GAB1: variants seen among roughly 807,000 people sequenced by gnomAD.
The protein encoded by GAB1 is GRB2 associated binding protein 1.
In GAB1, 19 loss-of-function variants were observed where a neutral mutation model predicts 66.5. That is an observed-to-expected ratio of 0.29 (90% CI 0.20 to 0.42). The LOEUF (loss-of-function observed/expected upper bound fraction) is 0.42. GAB1 is among the 10% of genes least tolerant of loss of function. The pLI is 1.00. For synonymous variants in GAB1, 294 were observed against 301.4 expected, an observed-to-expected ratio of 0.98 and a Z score of 0.25; for missense variants, 732 against 858.5, an observed-to-expected ratio of 0.85 and a Z score of 1.84.
Position 143,372,558 on chromosome 4 carries a change from A to G in GAB1, c.72+35298A>G, listed in dbSNP as rs1355265727. Among the ~76,000 whole-genome samples, 3 of 152,352 alleles carry G rather than the reference A, an allele frequency of 2.0e-5. No homozygotes were observed. The East Asian group carries it at 5.8e-4, about 29-fold the overall frequency. ...TGGTCACAAGAGAAAACTGTGGCTT[A>G]AATTGGGTCTGAAGTCATTCTGAGT... On this transcript the variant is annotated intron_variant, in intron 1 of 9. Transcript: ENST00000262994.
chr4:143,441,310 G>A (rs147589117), intron 6 of GAB1, among the ~76,000 whole-genome samples: 1 of 152,318 alleles, frequency 6.6e-6, no homozygotes, highest in East Asian at 1.9e-4. Flanking sequence ...AAATGTAAAT[G>A]TGATGAATGA....
intron 1 of GAB1, among the ~76,000 whole-genome samples, chr4:143,338,297 C>T (rs747339951): frequency 1.3e-5 from 2 of 152,110 alleles, no homozygotes; most frequent in Non-Finnish European, 2.9e-5. Context: ...AATGTGTTTG[C>T]AAAAGCAAAA....
intron 2 of GAB1, among the ~76,000 whole-genome samples, chr4:143,416,094 A>G (rs1732667415): frequency 1.3e-5 from 2 of 152,148 alleles, no homozygotes; most frequent in South Asian, 2.1e-4. Context: ...ATATTTTACT[A>G]TTTTTCACCT....
intron 9 of GAB1, among the ~76,000 whole-genome samples, chr4:143,467,328 C>G (rs1318694784): frequency 6.6e-6 from 1 of 152,164 alleles, no homozygotes; most frequent in Non-Finnish European, 1.5e-5. Context: ...CTTTGGTATT[C>G]TACAGGTTCA....
intron 1 of GAB1, among the ~76,000 whole-genome samples, chr4:143,377,970 A>C (rs1730485682): frequency 6.6e-6 from 1 of 152,196 alleles, no homozygotes; most frequent in Non-Finnish European, 1.5e-5. Context: ...TCCCATAGAA[A>C]TGATAGTATA....
rs1163752565 is a variant in GAB1, at chr4:143,337,093, G to A, written c.-96G>A. ...CCGGGGTGCGCGACCAGGAGAGCTAGGTTCTCGCCACTGCGCGCTCGGCAG... is the reference window on the plus strand; with the variant it reads ...CCGGGGTGCGCGACCAGGAGAGCTAAGTTCTCGCCACTGCGCGCTCGGCAG... On this transcript the variant is annotated 5_prime_UTR_variant, in exon 1 of 10. Coordinates refer to ENST00000262994, the MANE Select transcript of GAB1 (RefSeq NM_002039.4). 9.2e-6 allele frequency: 10 copies of A among 1,085,402 alleles called. No individual in the cohort carries two copies. The highest frequency in any genetic ancestry group is 1.6e-5 in the African/African-American group (1 of 62,336). The allele number at this position is 1,085,402 out of a possible 1,614,324, so 67.2% of individuals were successfully genotyped here.
intron 6 of GAB1, among the ~76,000 whole-genome samples, chr4:143,455,634 G>T (rs894794843): frequency 6.6e-6 from 1 of 152,168 alleles, no homozygotes; most frequent in South Asian, 2.1e-4. Flanking sequence ...TGGTATCACT[G>T]GTGTGTCAGC....
At chr4:143,357,569 T>C (rs1729499893) in intron 1 of GAB1, among the ~76,000 whole-genome samples, 3 of 152,136 alleles carry the variant, frequency 2.0e-5, no homozygotes, top group Admixed American at 6.5e-5. Context: ...TTTTTCCTGT[T>C]TACCTGTTGT....
intron 1 of GAB1, among the ~76,000 whole-genome samples, chr4:143,344,952 T>C (rs1227154795): frequency 2.0e-5 from 3 of 152,242 alleles, no homozygotes; most frequent in Admixed American, 2.0e-4. Context: ...GCATGTTTGG[T>C]TGTTATCTCT....
intron 7 of GAB1, 148 bp from the exon 8 acceptor site, chr4:143,460,216 T>C (rs1181134837): frequency 1.6e-6 from 1 of 642,748 alleles, no homozygotes; most frequent in Non-Finnish European, 2.6e-6. Context: ...ACACAAAAAT[T>C]ACATCATTAT....
intron 1 of GAB1, among the ~76,000 whole-genome samples, chr4:143,401,245 C>T (rs1286905726): frequency 6.6e-6 from 1 of 152,068 alleles, no homozygotes; most frequent in African/African-American, 2.4e-5. Context: ...CAATGCTTAA[C>T]ATAAATTGAA....
chr4:143,365,776 T>A (rs1318812399), intron 1 of GAB1, among the ~76,000 whole-genome samples: 5 of 152,254 alleles, frequency 3.3e-5, no homozygotes, highest in Non-Finnish European at 7.3e-5. Context: ...ATTGTTTTTA[T>A]GGGAAAATGC....
chr4:143,443,773 A>G (rs752865535), intron 6 of GAB1, among the ~76,000 whole-genome samples: 4 of 152,238 alleles, frequency 2.6e-5, no homozygotes, highest in Non-Finnish European at 5.9e-5. Flanking sequence ...ATAAGAAACC[A>G]GTAACATTCT....
intron 1 of GAB1, among the ~76,000 whole-genome samples, chr4:143,373,868 A>AATAAATAAATAAATAAATAAATAAATAT: frequency 2.1e-5 from 2 of 93,670 alleles, no homozygotes; most frequent in African/African-American, 9.3e-5. Context: ...TAAATAAATA[A>AATAAATAAATAAATAAATAAATAAATAT]ATATATATAT....
At chr4:143,468,237 C>T (rs1306661506) in intron 9 of GAB1, among the ~76,000 whole-genome samples, 25 of 99,450 alleles carry the variant, frequency 2.5e-4, no homozygotes, top group East Asian at 8.9e-4. Context: ...TTTTTTTGGA[C>T]GGAGTCTTGC....
Position 143,338,160 on chromosome 4 carries a change from C to A in GAB1, c.72+900C>A, listed in dbSNP as rs549405770. The stretch of plus-strand genomic sequence containing the variant: ...AGTATCAACCTTGCTTTAGTGGAAA[C>A]CTGTGTCCTCTTCAGAGGTCTGGGA... On this transcript the variant is annotated intron_variant, in intron 1 of 9. Coordinates refer to ENST00000262994, the MANE Select transcript of GAB1 (RefSeq NM_002039.4). Among the ~76,000 whole-genome samples the A allele has an allele frequency of 2.0e-5, 3 of 152,284 alleles. No individual in the cohort carries two copies. The South Asian group carries it at 6.2e-4, about 32-fold the overall frequency.
intron 2 of GAB1, among the ~76,000 whole-genome samples, chr4:143,418,715 T>A (rs939127129): frequency 2.0e-5 from 3 of 152,188 alleles, no homozygotes; most frequent in African/African-American, 7.2e-5. Context: ...TAAATATATT[T>A]ACAAAGGAAA....
At position 143,438,511 on chromosome 4, in the gene GAB1, C is replaced by T. The variant is rs115263911; in HGVS notation, c.1106C>T (p.Thr369Ile). 6.9e-5 allele frequency: 111 copies of T among 1,614,050 alleles called. No homozygotes were observed. In the African/African-American group the frequency reaches 1.4e-3, roughly 21 times the overall value. ...AGTATCCCACGCACCGCCTCAGACA[C>T]TGACAGTAGTTACTGTATCCCTACA... ...TCSIPRTASD[T>I]DSSYCIPTAG... The change falls in exon 4 of 10, where the codon ACT becomes ATT. Residue 369 changes from threonine to isoleucine, a missense_variant. Transcript: ENST00000262994.
rs564202693 is a variant in GAB1, at chr4:143,347,269, T to C, written c.72+10009T>C. On this transcript the variant is annotated intron_variant, in intron 1 of 9. Coordinates refer to ENST00000262994, the MANE Select transcript of GAB1 (RefSeq NM_002039.4). ...TTGAGCCTAAAATTGTAAATTCTCT[T>C]GTCCAATGTTTCTTAACCTTTTCTA... is the stretch of plus-strand genomic sequence containing the variant. Among the ~76,000 whole-genome samples, 6 of 152,356 alleles carry C rather than the reference T, an allele frequency of 3.9e-5. No homozygotes were observed. In the East Asian group the frequency reaches 9.6e-4, roughly 24 times the overall value.
Sources: gnomAD v4.1 joint callset for allele counts (sites outside exome capture counted in the v4.1 genomes callset) on GRCh38, gnomAD v4.1.1 for gene constraint, MANE v1.5 for transcripts, NCBI Gene and HGNC (gene_info 2026-07-23, HGNC 2026-07-21) for gene names.